The following NRXN1 variants were observed in gnomAD, a reference collection of about 807,000 sequenced individuals.
NRXN1 encodes the protein neurexin 1, also known as neurexin-1.
Under a neutral mutation model 150.9 loss-of-function variants are expected in NRXN1, and 39 were observed. The ratio of observed to expected loss-of-function variants is 0.26; its 90% CI spans 0.20 to 0.34. The LOEUF (loss-of-function observed/expected upper bound fraction) is 0.34, where lower values mean the gene tolerates loss of function less well. Among genes scored for constraint, NRXN1 ranks in the 10% least tolerant of loss-of-function variants. NRXN1 has a pLI of 1.00. For synonymous variants in NRXN1, 924 were observed against 757.0 expected (o/e 1.22, Z -3.62); for missense variants, 1,815 against 1,949.9 (o/e 0.93, Z 1.30).
intron 2 of NRXN1, among the ~76,000 whole-genome samples, chr2:51,022,798 C>T (rs1669833479): frequency 6.6e-6 from 1 of 152,160 alleles, no homozygotes; most frequent in Non-Finnish European, 1.5e-5. Flanking sequence ...GTAGTAGTTA[C>T]AATGTTGATT....
chr2:50,869,102 A>G (rs1677385411), intron 5 of NRXN1, among the ~76,000 whole-genome samples: 2 of 151,720 alleles, frequency 1.3e-5, no homozygotes, highest in Non-Finnish European at 2.9e-5. Flanking sequence ...CCCTTTTTTA[A>G]ATTCATGTGA....
At chr2:50,252,946 A>T (rs1295344034) in intron 17 of NRXN1, among the ~76,000 whole-genome samples, 2 of 152,186 alleles carry the variant, frequency 1.3e-5, no homozygotes, top group Non-Finnish European at 1.5e-5. Flanking sequence ...AATTCTGTAA[A>T]GAATGTCAAT....
chr2:49,999,081 A>G (rs1279542163), intron 21 of NRXN1, among the ~76,000 whole-genome samples: 1 of 152,164 alleles, frequency 6.6e-6, no homozygotes, highest in Non-Finnish European at 1.5e-5. Context: ...TAGCTCTGGA[A>G]TGGGAACTAA....
intron 17 of NRXN1, among the ~76,000 whole-genome samples, chr2:50,323,288 G>A (rs144995004): frequency 1.4e-4 from 22 of 152,144 alleles, no homozygotes; most frequent in East Asian, 3.9e-4. Flanking sequence ...ATGAGGTCTG[G>A]GTGGAACAAA....
At chr2:50,428,111 T>C in intron 17 of NRXN1, among the ~76,000 whole-genome samples, 1 of 152,050 alleles carries the variant, frequency 6.6e-6, no homozygotes, top group East Asian at 1.9e-4. Context: ...GAAGCGAGGA[T>C]AAGATGAAAA....
chr2:50,404,496 A>C (rs974323643), intron 17 of NRXN1, among the ~76,000 whole-genome samples: 3 of 152,112 alleles, frequency 2.0e-5, no homozygotes, highest in East Asian at 1.9e-4. Flanking sequence ...AATTTAAGAC[A>C]CAAAGAGTTT....
chr2:50,770,538 T>G (rs77793440), intron 5 of NRXN1, among the ~76,000 whole-genome samples: 12,007 of 152,122 alleles, frequency 0.079, 603 homozygotes, highest in Middle Eastern at 0.18. Flanking sequence ...TTGCCATTAA[T>G]TAGGTCTATG....
chr2:50,467,532 TACAATC>T (rs1203937439), intron 16 of NRXN1, among the ~76,000 whole-genome samples: 1 of 151,530 alleles, frequency 6.6e-6, no homozygotes, highest in Non-Finnish European at 1.5e-5. Flanking sequence ...ACATGTACCT[TACAATC>T]ACATTTGTAT....
At chr2:50,314,275 A>C (rs910328468) in intron 17 of NRXN1, among the ~76,000 whole-genome samples, 3 of 151,944 alleles carry the variant, frequency 2.0e-5, no homozygotes, top group Non-Finnish European at 4.4e-5. Flanking sequence ...TCTGTTTCCC[A>C]TGTGGACTCT....
rs539899994 is a variant in NRXN1 at position 50,458,817 on chromosome 2, T to C, written c.3364+6625A>G. Among the ~76,000 whole-genome samples, 24 of 152,230 alleles carry C rather than the reference T, an allele frequency of 1.6e-4. No homozygotes were observed. The East Asian group carries it at 4.6e-3, about 29-fold the overall frequency. Reference sequence around the variant, plus strand: ...GGATGGTCTCGAACTCCTAATCTTGTGATCCATCTGCCTCAGCTTCCCAAA... The same window carrying C: ...GGATGGTCTCGAACTCCTAATCTTGCGATCCATCTGCCTCAGCTTCCCAAA... On this transcript the variant is annotated intron_variant, in intron 17 of 22. Coordinates refer to ENST00000401669, the MANE Select transcript of NRXN1 (RefSeq NM_001330078.2).
chr2:50,910,091 C>A (rs1466065961), intron 5 of NRXN1, among the ~76,000 whole-genome samples: 1 of 151,628 alleles, frequency 6.6e-6, no homozygotes, highest in African/African-American at 2.4e-5. Context: ...AAATATTTTG[C>A]AATTCTCTTT....
chr2:50,620,582 G>A (rs1468911928), intron 7 of NRXN1, among the ~76,000 whole-genome samples: 2 of 152,110 alleles, frequency 1.3e-5, no homozygotes, highest in African/African-American at 2.4e-5. Flanking sequence ...TAATCACAAC[G>A]TGCACCTTGT....
rs115911715 is a variant in NRXN1, at chr2:50,061,940, A to G, written c.3719-6896T>C. 9.1e-3 allele frequency among the ~76,000 whole-genome samples: 1,384 copies of G among 152,310 alleles called. 28 individuals carry two copies. Among genetic ancestry groups the G allele is most frequent in the African/African-American group, 0.032 (1,328 of 41,574 alleles). ...TCAAAAAGAATTAAGTATTTTTGAC[A>G]GGAGGAAAGACTCCCTTCCCCCCAA... On this transcript the variant is annotated intron_variant, in intron 19 of 22. Coordinates refer to ENST00000401669, the MANE Select transcript of NRXN1 (RefSeq NM_001330078.2).
chr2:50,691,482 A>G (rs1692065688), intron 5 of NRXN1, among the ~76,000 whole-genome samples: 1 of 152,158 alleles, frequency 6.6e-6, no homozygotes. Flanking sequence ...TCAAATGCTT[A>G]TTTTTTTAGG....
chr2:50,812,667 T>G (rs1668378446), intron 5 of NRXN1, among the ~76,000 whole-genome samples: 1 of 151,108 alleles, frequency 6.6e-6, no homozygotes, highest in African/African-American at 2.4e-5. Flanking sequence ...AAAATATATA[T>G]ACATAATATA....
chr2:50,877,375 G>C (rs1678759895), intron 5 of NRXN1, among the ~76,000 whole-genome samples: 2 of 151,838 alleles, frequency 1.3e-5, no homozygotes, highest in Non-Finnish European at 2.9e-5. Flanking sequence ...AGAAAAGATG[G>C]TAAGGAGATT....
chr2:50,443,267 A>G (rs1413769343), intron 17 of NRXN1, among the ~76,000 whole-genome samples: 2 of 152,216 alleles, frequency 1.3e-5, no homozygotes, highest in East Asian at 1.9e-4. Context: ...TAAGCAGGAT[A>G]AGACAGTAAG....
chr2:49,990,760 C>T (rs182356462), intron 21 of NRXN1, among the ~76,000 whole-genome samples: 122 of 152,150 alleles, frequency 8.0e-4, no homozygotes, highest in Non-Finnish European at 1.5e-3. Flanking sequence ...TTCCTAATAC[C>T]TGATTCACAG....
chr2:50,445,703 G>A (rs2086341184), intron 17 of NRXN1, among the ~76,000 whole-genome samples: 1 of 152,162 alleles, frequency 6.6e-6, no homozygotes, highest in Non-Finnish European at 1.5e-5. Flanking sequence ...GGGTATAATT[G>A]TCAACCTTAA....
Sources: gnomAD v4.1 joint callset for allele counts (sites outside exome capture counted in the v4.1 genomes callset) on GRCh38, gnomAD v4.1.1 for gene constraint, MANE v1.5 for transcripts, NCBI Gene and HGNC (gene_info 2026-07-23, HGNC 2026-07-21) for gene names.